Variants in DIP2C observed in about 807,000 individuals in gnomAD.
The protein encoded by DIP2C is disco-interacting protein 2 homolog C.
Under a neutral mutation model 192.4 loss-of-function variants are expected in DIP2C, and 33 were observed. The ratio of observed to expected loss-of-function variants is 0.17; its 90% CI spans 0.13 to 0.23. The LOEUF (loss-of-function observed/expected upper bound fraction) is 0.23. DIP2C is among the 10% of genes least tolerant of loss of function. DIP2C has a pLI of 1.00. For missense variants in DIP2C, 1,537 were observed against 2,110.1 expected, an observed-to-expected ratio of 0.73 and a Z score of 5.32; for synonymous variants, 979 against 864.1, an observed-to-expected ratio of 1.13 and a Z score of -2.33.
At chr10:548,652 G>A (rs1848430972) in intron 1 of DIP2C, among the ~76,000 whole-genome samples, 1 of 151,464 alleles carries the variant, frequency 6.6e-6, no homozygotes, top group South Asian at 2.1e-4. Context: ...TGTGGCCAGA[G>A]GTGATGTGGC....
At chr10:514,702 G>A (rs1276034496) in intron 1 of DIP2C, among the ~76,000 whole-genome samples, 2 of 152,070 alleles carry the variant, frequency 1.3e-5, no homozygotes, top group Non-Finnish European at 2.9e-5. Flanking sequence ...TGAGGGACCT[G>A]GTCTTTCTGC....
intron 23 of DIP2C, 31 bp downstream of exon 23, chr10:357,797 G>T (rs116429808): frequency 1.9e-6 from 3 of 1,553,596 alleles, no homozygotes; most frequent in Non-Finnish European, 2.7e-6. Context: ...AGTCGGGGAC[G>T]GTCGGGGAGA....
rs186243716 is a variant in DIP2C at position 605,689 on chromosome 10, T to G, written c.85+83805A>C. ...CCTCTGTCTTAGATATTGATCTCCCTCAGAACTACTCAATCACCCACATTT... is the reference window on the plus strand; with the variant it reads ...CCTCTGTCTTAGATATTGATCTCCCGCAGAACTACTCAATCACCCACATTT... On this transcript the variant is annotated intron_variant, in intron 1 of 36. Coordinates refer to ENST00000280886, the MANE Select transcript of DIP2C (RefSeq NM_014974.3). Among the ~76,000 whole-genome samples, 8 of 152,310 alleles carry G rather than the reference T, an allele frequency of 5.3e-5. No individual in the cohort carries two copies. In the East Asian group the frequency reaches 1.5e-3, roughly 29 times the overall value.
At chr10:351,531 C>T (rs914478135) in intron 24 of DIP2C, among the ~76,000 whole-genome samples, 7 of 152,200 alleles carry the variant, frequency 4.6e-5, no homozygotes, top group Non-Finnish European at 4.4e-5. Context: ...AGAGGATTAG[C>T]TTACATTTCT....
chr10:377,826 A>G (rs1400933127), intron 17 of DIP2C, among the ~76,000 whole-genome samples: 1 of 152,082 alleles, frequency 6.6e-6, no homozygotes, highest in Non-Finnish European at 1.5e-5. Flanking sequence ...ACAAGGGGGT[A>G]TTTTATCTTT....
chr10:485,077 A>G (rs1403772873), intron 2 of DIP2C: 1 of 1,222,496 alleles, frequency 8.2e-7, no homozygotes. Flanking sequence ...ACAGGGCACG[A>G]CCGCCCTCTG....
chr10:458,968 T>C (rs1969529506), intron 3 of DIP2C, among the ~76,000 whole-genome samples: 1 of 144,562 alleles, frequency 6.9e-6, no homozygotes, highest in East Asian at 2.0e-4. Context: ...AGCACAAGTT[T>C]CCAGTTTACC....
chr10:505,893 T>TA (rs1845567355), intron 1 of DIP2C, among the ~76,000 whole-genome samples: 1 of 152,212 alleles, frequency 6.6e-6, no homozygotes, highest in Non-Finnish European at 1.5e-5. Flanking sequence ...CACTGACAGC[T>TA]ACAGCATCAT....
intron 1 of DIP2C, among the ~76,000 whole-genome samples, chr10:577,976 C>T (rs186638118): frequency 1.5e-4 from 23 of 152,236 alleles, no homozygotes; most frequent in Admixed American, 1.2e-3. Flanking sequence ...TGCAATCCTC[C>T]ATCAAGGGTG....
In DIP2C at chr10:477,922, A is replaced by G. The variant is rs550563466; in HGVS notation, c.158-5373T>C. Among the ~76,000 whole-genome samples, 1,089 of 118,158 alleles carry G rather than the reference A, an allele frequency of 9.2e-3. 27 individuals are homozygous for G. Among genetic ancestry groups the G allele is most frequent in the African/African-American group, 0.035 (1,029 of 29,108 alleles). The allele number at this position is 118,158 out of a possible 152,430, so 77.5% of individuals were successfully genotyped here. A position where few individuals can be genotyped will look rare whatever the true frequency, so the allele number is the denominator to read the frequency against. On this transcript the variant is annotated intron_variant, in intron 2 of 36. Coordinates refer to ENST00000280886, the MANE Select transcript of DIP2C (RefSeq NM_014974.3). ...AAAGAGAGGGAAAGAAAAGACAGGA[A>G]AAGAGAGGGAAAGAAGGAAGGAAAA...
At chr10:434,863 G>C (rs2133234376) in intron 4 of DIP2C, among the ~76,000 whole-genome samples, 1 of 152,250 alleles carries the variant, frequency 6.6e-6, no homozygotes, top group African/African-American at 2.4e-5. Flanking sequence ...CCTCTATAGG[G>C]AAGGAGATTA....
chr10:405,686 A>G (rs1162715167), intron 9 of DIP2C, among the ~76,000 whole-genome samples: 1 of 152,222 alleles, frequency 6.6e-6, no homozygotes, highest in Non-Finnish European at 1.5e-5. Context: ...CCCTCCGTTC[A>G]ATCCTCTGTG....
chr10:608,114 CCACACACACAGCCCCAA>C (rs1432616526), intron 1 of DIP2C, among the ~76,000 whole-genome samples: 44 of 128,996 alleles, frequency 3.4e-4, no homozygotes, highest in Middle Eastern at 4.2e-3. Flanking sequence ...AACACACACA[CCACACACACAGCCCCAA>C]CACACACACA....
At chr10:684,113 T>A (rs902628655) in intron 1 of DIP2C, among the ~76,000 whole-genome samples, 1 of 152,260 alleles carries the variant, frequency 6.6e-6, no homozygotes, top group Non-Finnish European at 1.5e-5. Context: ...ATAGCATTTA[T>A]TCGCCAAGAA....
rs1958684194 is a variant in DIP2C, at chr10:349,439, A to T, written c.3001T>A (p.Ser1001Thr). ...LLNCRGAIAN[S>T]LTCVQLHKRA... ...TTGTGCAGCTGCACGCAGGTCAGCG[A>T]GTTCGCTATCGCACCCTGCGGGCCG... Residue 1001 changes from serine (S) to threonine (T), a missense_variant, in exon 25 of 37, where the codon TCG becomes ACG. Ser to Thr is a moderately conservative substitution (Grantham distance 58). This residue lies in a region of DIP2C where 677 missense variants were observed against 989.9 expected (regional missense o/e 0.68). Coordinates refer to ENST00000280886, the MANE Select transcript of DIP2C (RefSeq NM_014974.3). 4 of 1,608,342 alleles carry T rather than the reference A, an allele frequency of 2.5e-6. No homozygotes were observed. In the East Asian group the frequency reaches 8.9e-5, roughly 36 times the overall value.
intron 1 of DIP2C, among the ~76,000 whole-genome samples, chr10:568,794 A>AAC (rs1849604647): frequency 9.2e-6 from 1 of 108,376 alleles, no homozygotes; most frequent in East Asian, 2.0e-4. Flanking sequence ...AAAAAAAAAA[A>AAC]AAAACCTTCA....
In DIP2C at chr10:443,900, G is replaced by A. The variant is rs566006121; in HGVS notation, c.269-2904C>T. Among the ~76,000 whole-genome samples the A allele has an allele frequency of 2.6e-5, 4 of 152,294 alleles. No homozygotes were observed. In the South Asian group the frequency reaches 8.3e-4, roughly 32 times the overall value. ...ATTGTTTTCTTTTGGAAGGGCGGGA[G>A]TACAAAGTATACACAGTGAAATGTT... is the stretch of plus-strand genomic sequence containing the variant. On this transcript the variant is annotated intron_variant, in intron 3 of 36. Coordinates refer to ENST00000280886, the MANE Select transcript of DIP2C (RefSeq NM_014974.3).
intron 2 of DIP2C, chr10:484,984 C>A: frequency 6.4e-7 from 1 of 1,568,402 alleles, no homozygotes; most frequent in Non-Finnish European, 8.6e-7. Context: ...TTAATTCAAA[C>A]TTTAGTTTTT....
chr10:545,472 T>A (rs943695173), intron 1 of DIP2C, among the ~76,000 whole-genome samples: 3 of 152,148 alleles, frequency 2.0e-5, no homozygotes, highest in African/African-American at 7.2e-5. Flanking sequence ...GGTGTTCTTA[T>A]AATAGAGAAT....
Sources: allele counts gnomAD v4.1 joint callset (sites outside exome capture counted in the v4.1 genomes callset), GRCh38; gene constraint gnomAD v4.1.1; regional missense constraint gnomAD v4.1.1; transcripts MANE v1.5; gene names NCBI Gene and HGNC (gene_info 2026-07-23, HGNC 2026-07-21).